The following INSRR variants were observed in gnomAD, a reference collection of about 807,000 sequenced individuals.
The protein encoded by INSRR is insulin receptor-related protein.
INSRR carries 114 observed loss-of-function variants against 130.0 expected under a neutral mutation model. That is an observed-to-expected ratio of 0.88 (90% CI 0.75 to 1.02). The LOEUF (loss-of-function observed/expected upper bound fraction) is 1.02. Among genes scored for constraint, INSRR ranks in the 50% least tolerant of loss-of-function variants. INSRR has a pLI of 0.00. For synonymous variants in INSRR, 674 were observed against 705.2 expected (o/e 0.96, Z 0.70); for missense variants, 1,657 against 1,735.2 (o/e 0.95, Z 0.80).
chr1:156,844,702 C>G lies in INSRR; in HGVS notation c.2574+5G>C. Reference sequence around the variant, plus strand: ...GGCTGGGACGGGGGTCCCACGGGCACCTACCTCTCCCAAGCGGCGGTACTT... The same window carrying G: ...GGCTGGGACGGGGGTCCCACGGGCAGCTACCTCTCCCAAGCGGCGGTACTT... On this transcript the variant is annotated splice_donor_5th_base_variant and intron_variant, in intron 13 of 21. Coordinates refer to ENST00000368195, the MANE Select transcript of INSRR (RefSeq NM_014215.3). The G allele has an allele frequency of 6.2e-7, 1 of 1,614,084 alleles. No individual in the cohort carries two copies. The highest frequency in any genetic ancestry group is 8.5e-7 in the Non-Finnish European group (1 of 1,180,008).
chr1:156,852,089 A>G lies in INSRR; in HGVS notation c.740T>C (p.Val247Ala). ...CSQPEDPRACVACRHLYFQGA... is the reference protein window; with the variant it reads ...CSQPEDPRACAACRHLYFQGA... ...CTGGAAGTAGAGGTGGCGGCAAGCT[A>G]CACAGGCACGAGGGTCTTCTGGCTG... The change falls in exon 3 of 22, where the codon GTA (valine) becomes GCA (alanine). Residue 247 changes from valine to alanine, a missense_variant. Coordinates refer to ENST00000368195, the MANE Select transcript of INSRR (RefSeq NM_014215.3). 6.2e-7 allele frequency: 1 copy of G among 1,613,696 alleles called. No homozygotes were observed.
At chr1:156,846,481 A>G (rs1238049521) in intron 8 of INSRR, 38 bp downstream of exon 8, 1 of 1,508,468 alleles carries the variant, frequency 6.6e-7, no homozygotes, top group Non-Finnish European at 9.2e-7. Flanking sequence ...TCATGGATGC[A>G]GGCGTCTGAC....
In INSRR at chr1:156,849,015, C is replaced by T; in HGVS notation, c.1477G>A (p.Val493Met). The change falls in exon 7 of 22, where the codon GTG becomes ATG. Residue 493 changes from valine to methionine, a missense_variant. Physicochemically the swap from Val to Met is conservative, Grantham distance 21. Coordinates refer to ENST00000368195, the MANE Select transcript of INSRR (RefSeq NM_014215.3). ...AGCAGGATGCGGTCTGCCTCCGTCA[C>T]GTTGGACACGAAGCGCAGGGTGCGA... is the stretch of plus-strand genomic sequence containing the variant. ...QTRTLRFVSN[V>M]TEADRILLRW... 6.2e-7 allele frequency: 1 copy of T among 1,613,456 alleles called. No individual in the cohort carries two copies. The highest frequency in any genetic ancestry group is 8.5e-7 in the Non-Finnish European group (1 of 1,179,904).
Position 156,846,107 on chromosome 1 carries a change from G to C in INSRR, c.1823C>G (p.Pro608Arg), listed in dbSNP as rs1187187015. 15 of 1,601,224 alleles carry C rather than the reference G, an allele frequency of 9.4e-6. No homozygotes were observed. The highest frequency in any genetic ancestry group is 1.3e-5 in the Non-Finnish European group (15 of 1,173,362). Residue 608 changes from proline to arginine, a missense_variant, in exon 9 of 22, where the codon CCC (proline) becomes CGC (arginine). By Grantham distance (103) the Pro-to-Arg change is moderately radical. Coordinates refer to ENST00000368195, the MANE Select transcript of INSRR (RefSeq NM_014215.3). Reference sequence around the variant, plus strand: ...GTTGGACGTGGAGATGACGTCTTGGGGCACCGTGGGAGCTAGGAGTGCGAG... The same window carrying C: ...GTTGGACGTGGAGATGACGTCTTGGCGCACCGTGGGAGCTAGGAGTGCGAG... ...LRTLPAAPTV[P>R]QDVISTSNSS...
chr1:156,844,845 T>G lies in INSRR; in HGVS notation c.2438-2A>C. ...TTCCTGGAATACCATCAGCCTCTCCTGCGGGAAGGGGCATCCAGCAGCCGG... is the reference window on the plus strand; with the variant it reads ...TTCCTGGAATACCATCAGCCTCTCCGGCGGGAAGGGGCATCCAGCAGCCGG... On this transcript the variant is annotated splice_acceptor_variant, in intron 12 of 21. Transcript: ENST00000368195. LOFTEE classifies it high-confidence loss of function. The G allele has an allele frequency of 6.2e-7, 1 of 1,613,904 alleles. No homozygotes were observed. The highest frequency in any genetic ancestry group is 8.5e-7 in the Non-Finnish European group (1 of 1,179,940).
Position 156,844,707 on chromosome 1 carries a change from C to T in INSRR, c.2574G>A (p.Glu858=), listed in dbSNP as rs1654926806. 6.2e-7 allele frequency: 1 copy of T among 1,613,994 alleles called. No homozygotes were observed. The highest frequency in any genetic ancestry group is 1.3e-5 in the African/African-American group (1 of 74,898). Residue 858 remains glutamate (E), a splice_region_variant and synonymous_variant, in exon 13 of 22, where the codon GAG becomes GAA. Transcript: ENST00000368195. The stretch of plus-strand genomic sequence containing the variant: ...GGACGGGGGTCCCACGGGCACCTAC[C>T]TCTCCCAAGCGGCGGTACTTGATTT... ...KYEIKYRRLG[E]EATVLCVSRL... is the part of the protein sequence containing the mutation.
In INSRR at chr1:156,846,553, C is replaced by T; in HGVS notation, c.1776G>A (p.Gln592=). ...GCGTTCGGAGGTAGACGATGGGACT[C>T]TGGGCTCCTTGATGAGGGCTGTCCT... ...TEEDSPHQGA[Q]SPIVYLRTLP... is the part of the protein sequence containing the mutation. Residue 592 remains glutamine, a synonymous_variant, in exon 8 of 22, where the codon CAG becomes CAA. Coordinates refer to ENST00000368195, the MANE Select transcript of INSRR (RefSeq NM_014215.3). 6.2e-7 allele frequency: 1 copy of T among 1,614,210 alleles called. No individual in the cohort carries two copies. The highest frequency in any genetic ancestry group is 8.5e-7 in the Non-Finnish European group (1 of 1,180,026).
In INSRR at chr1:156,849,436, G is replaced by C. The variant is rs1655126424; in HGVS notation, c.1254C>G (p.Asp418Glu). 11 of 1,609,910 alleles carry C rather than the reference G, an allele frequency of 6.8e-6. No homozygotes were observed. Among genetic ancestry groups the C allele is most frequent in the Non-Finnish European group, 9.3e-6 (11 of 1,177,978 alleles). The change falls in exon 6 of 22, where the codon GAC (aspartate) becomes GAG (glutamate). Residue 418 changes from aspartate to glutamate, a missense_variant. By Grantham distance (45) the Asp-to-Glu change is conservative (BLOSUM62 2). Transcript: ENST00000368195. The part of the protein sequence containing the change: ...VDGNYTLYVL[D>E]NQNLQQLGSW... Reference sequence around the variant, plus strand: ...ACCCTAGCTGTTGTAGGTTCTGGTTGTCCAGCACGTAGAGAGTGTAGTTCC... The same window carrying C: ...ACCCTAGCTGTTGTAGGTTCTGGTTCTCCAGCACGTAGAGAGTGTAGTTCC...
At chr1:156,850,359 C>T (rs1655158270) in intron 5 of INSRR, among the ~76,000 whole-genome samples, 1 of 150,590 alleles carries the variant, frequency 6.6e-6, no homozygotes, top group Non-Finnish European at 1.5e-5. Flanking sequence ...CTACAGGTGC[C>T]CACCACCACA....
At chr1:156,856,613 G>A (rs549321377) in intron 1 of INSRR, among the ~76,000 whole-genome samples, 2 of 152,178 alleles carry the variant, frequency 1.3e-5, no homozygotes, top group South Asian at 2.1e-4. Flanking sequence ...TTAGTCCAGC[G>A]CCCACATCAC....
chr1:156,854,360 A>G lies in INSRR; in HGVS notation c.86-57T>C. ...ACAGCCCAGGCCAAATTCCCCATCC[A>G]GCCCTGGCAGCTTTGGAGGGGAGCC... On this transcript the variant is annotated intron_variant, in intron 1 of 21. Coordinates refer to ENST00000368195, the MANE Select transcript of INSRR (RefSeq NM_014215.3). The surrounding 1 kb of genome is among the most constrained non-coding windows in gnomAD (Gnocchi z 4.2). 1.3e-6 allele frequency: 2 copies of G among 1,496,530 alleles called. No homozygotes were observed. The highest frequency in any genetic ancestry group is 1.8e-6 in the Non-Finnish European group (2 of 1,114,940). The allele number at this position is 1,496,530 out of a possible 1,614,324, so 92.7% of individuals were successfully genotyped here.
At chr1:156,843,309 C>T in intron 16 of INSRR, 76 bp from the exon 17 acceptor site, 3 of 1,566,194 alleles carry the variant, frequency 1.9e-6, no homozygotes, top group Non-Finnish European at 1.8e-6. Flanking sequence ...CTCTTCTCCT[C>T]TTCTGAAGGG....
chr1:156,850,530 C>T (rs1278316751), intron 5 of INSRR, among the ~76,000 whole-genome samples: 15 of 107,150 alleles, frequency 1.4e-4, no homozygotes, highest in African/African-American at 5.8e-4. Context: ...TAATTTAAAA[C>T]ATTCTTTTTT....
intron 17 of INSRR, 133 bp downstream of exon 17, chr1:156,842,871 C>A: frequency 1.4e-6 from 1 of 720,890 alleles, no homozygotes; most frequent in Non-Finnish European, 2.3e-6. Flanking sequence ...TGACCTTTAC[C>A]CCAATTAGGA....
At position 156,844,467 on chromosome 1, in the gene INSRR, C is replaced by T; in HGVS notation, c.2732G>A (p.Gly911Asp). Residue 911 changes from glycine to aspartate, a missense_variant, in exon 14 of 22, where the codon GGC becomes GAC. By Grantham distance (94) the Gly-to-Asp change is moderately conservative (BLOSUM62 -1). Coordinates refer to ENST00000368195, the MANE Select transcript of INSRR (RefSeq NM_014215.3). ...WTDSVAFYIL[G>D]PEEEDAGGLH... ...GTGACAGAGGCTGTGTATACCTGGG[C>T]CAAGGATGTAGAAGGCAACACTGTC... The T allele has an allele frequency of 6.2e-7, 1 of 1,613,218 alleles. No individual in the cohort carries two copies.
rs947924239 is a variant in INSRR at position 156,840,555 on chromosome 1, T to C, written c.*318A>G. 59 of 392,986 alleles carry C rather than the reference T, an allele frequency of 1.5e-4. 2 individuals carry two copies. The South Asian group carries it at 1.6e-3, about 10-fold the overall frequency. The allele number at this position is 392,986 out of a possible 1,614,324, so 24.3% of individuals were successfully genotyped here. On this transcript the variant is annotated 3_prime_UTR_variant, in exon 22 of 22. Transcript: ENST00000368195. Reference sequence around the variant, plus strand: ...ACCCCAAACTGAGGGGCAGGGCCTCTAGGGTGGGCGGGCCCCCTCTTCCTA... The same window carrying C: ...ACCCCAAACTGAGGGGCAGGGCCTCCAGGGTGGGCGGGCCCCCTCTTCCTA...
rs1347751186 is a variant in INSRR, at chr1:156,858,714, G to A, written c.-93C>T. The A allele has an allele frequency of 1.9e-6, 2 of 1,031,296 alleles. No individual in the cohort carries two copies. Among genetic ancestry groups the A allele is most frequent in the Non-Finnish European group, 3.0e-6 (2 of 656,040 alleles). The allele number at this position is 1,031,296 out of a possible 1,614,324, so 63.9% of individuals were successfully genotyped here. A position where few individuals can be genotyped will look rare whatever the true frequency, so the allele number is the denominator to read the frequency against. ...AAGCCCTAAGGGACACAGAGACCAG[G>A]GTTCAGATAGGAGAGGGAGGGCAGG... On this transcript the variant is annotated 5_prime_UTR_variant, in exon 1 of 22. Transcript: ENST00000368195.
rs146967458 is a variant in INSRR at position 156,841,519 on chromosome 1, G to A, written c.3537C>T (p.Gly1179=). ...FTTHSDVWSF[G]VVLWEIVTLA... is the part of the protein sequence containing the mutation. ...GGGTCACAATCTCCCAGAGTACCAC[G>A]CCAAAGGACCTGGGGGCATGCAGGA... is the stretch of plus-strand genomic sequence containing the variant. The change falls in exon 21 of 22, where the codon GGC becomes GGT. Residue 1179 remains glycine (G), a synonymous_variant. Transcript: ENST00000368195. 724 of 1,613,966 alleles carry A rather than the reference G, an allele frequency of 4.5e-4. 4 individuals are homozygous for A. The African/African-American group carries it at 9.0e-3, about 20-fold the overall frequency.
intron 7 of INSRR, 129 bp downstream of exon 7, chr1:156,848,792 A>G: frequency 8.9e-7 from 1 of 1,126,318 alleles, no homozygotes; most frequent in African/African-American, 1.6e-5. Context: ...ACCACGGAGT[A>G]CAACTTGCGG....
Sources: allele counts gnomAD v4.1 joint callset (sites outside exome capture counted in the v4.1 genomes callset), GRCh38; gene constraint gnomAD v4.1.1; non-coding constraint Gnocchi (gnomAD v3.1); transcripts MANE v1.5; gene names NCBI Gene and HGNC (gene_info 2026-07-23, HGNC 2026-07-21).